Variants in TAFA4 observed in about 807,000 individuals in gnomAD.
TAFA4 encodes the protein chemokine-like protein TAFA-4.
Under a neutral mutation model 21.1 loss-of-function variants are expected in TAFA4, and 20 were observed. That is an observed-to-expected ratio of 0.95 (90% CI 0.67 to 1.38). The LOEUF is 1.38. Ranked by LOEUF, TAFA4 falls within the 40% of genes most tolerant of loss-of-function variation. TAFA4 has a pLI of 0.00. For missense variants in TAFA4, 211 were observed against 180.9 expected, an observed-to-expected ratio of 1.17 and a Z score of -0.95; for synonymous variants, 71 against 67.4, an observed-to-expected ratio of 1.05 and a Z score of -0.26.
At chr3:68,826,181 G>A (rs1349328452) in intron 3 of TAFA4, among the ~76,000 whole-genome samples, 1 of 152,174 alleles carries the variant, frequency 6.6e-6, no homozygotes, top group Non-Finnish European at 1.5e-5. Context: ...ACCTGCAGTC[G>A]GAAGGCCCAG....
chr3:68,756,339 T>G (rs1351122431), intron 3 of TAFA4, among the ~76,000 whole-genome samples: 1 of 152,234 alleles, frequency 6.6e-6, no homozygotes, highest in Non-Finnish European at 1.5e-5. Context: ...AGTGTGTTCA[T>G]GATTTTCAGA....
intron 3 of TAFA4, among the ~76,000 whole-genome samples, chr3:68,849,736 A>T (rs910927086): frequency 6.6e-6 from 1 of 152,192 alleles, no homozygotes; most frequent in Non-Finnish European, 1.5e-5. Context: ...CATAGCAATG[A>T]AACACTGAAC....
At chr3:68,743,649 T>TTCATGGAGCTGTGTCA (rs1702400312) in intron 4 of TAFA4, among the ~76,000 whole-genome samples, 1 of 152,006 alleles carries the variant, frequency 6.6e-6, no homozygotes. Context: ...CCCTTGCAGC[T>TTCATGGAGCTGTGTCA]TCATGGAGCT....
intron 5 of TAFA4, among the ~76,000 whole-genome samples, 153 bp downstream of exon 5, chr3:68,738,922 C>T (rs538365486): frequency 1.4e-4 from 22 of 152,296 alleles, no homozygotes; most frequent in Admixed American, 1.3e-3. Flanking sequence ...CCGGGAAATG[C>T]GCTTTTCAAA....
At chr3:68,896,272 G>A (rs2089788424) in intron 1 of TAFA4, among the ~76,000 whole-genome samples, 2 of 152,198 alleles carry the variant, frequency 1.3e-5, no homozygotes, top group African/African-American at 4.8e-5. Context: ...ACAGGAGATG[G>A]TTTAGGTTTT....
chr3:68,919,538 G>A (rs1575673751), intron 1 of TAFA4, among the ~76,000 whole-genome samples: 2 of 152,054 alleles, frequency 1.3e-5, no homozygotes, highest in Non-Finnish European at 2.9e-5. Context: ...GTCCGATCGG[G>A]CAGCCACTAC....
chr3:68,893,832 C>T (rs2089757302), intron 1 of TAFA4, among the ~76,000 whole-genome samples: 1 of 152,104 alleles, frequency 6.6e-6, no homozygotes, highest in Non-Finnish European at 1.5e-5. Context: ...ACAATGGTGC[C>T]CTCCTGTGGA....
chr3:68,885,873 T>G (rs1408132961), intron 1 of TAFA4, among the ~76,000 whole-genome samples: 1 of 152,184 alleles, frequency 6.6e-6, no homozygotes, highest in Non-Finnish European at 1.5e-5. Context: ...AGAACACTTG[T>G]GAATACTGTA....
At chr3:68,887,598 G>A (rs148081441) in intron 1 of TAFA4, among the ~76,000 whole-genome samples, 2 of 152,238 alleles carry the variant, frequency 1.3e-5, no homozygotes, top group Non-Finnish European at 2.9e-5. Flanking sequence ...TGGCCCCAAG[G>A]CTCATGCACT....
At chr3:68,846,157 A>G (rs915934290) in intron 3 of TAFA4, among the ~76,000 whole-genome samples, 3 of 151,980 alleles carry the variant, frequency 2.0e-5, no homozygotes, top group African/African-American at 7.3e-5. Flanking sequence ...ACACCAATCA[A>G]ACGTAGATTT....
At chr3:68,878,159 C>T in intron 3 of TAFA4, among the ~76,000 whole-genome samples, 1 of 152,142 alleles carries the variant, frequency 6.6e-6, no homozygotes, top group East Asian at 1.9e-4. Context: ...TCACCAAGCA[C>T]CACAGCATTT....
At chr3:68,859,370 C>T (rs1357857867) in intron 3 of TAFA4, among the ~76,000 whole-genome samples, 1 of 152,124 alleles carries the variant, frequency 6.6e-6, no homozygotes, top group Non-Finnish European at 1.5e-5. Context: ...AGACACTTAA[C>T]CTGTTTCTTA....
intron 3 of TAFA4, among the ~76,000 whole-genome samples, chr3:68,798,839 A>C (rs150454195): frequency 2.2e-3 from 339 of 152,332 alleles, no homozygotes; most frequent in African/African-American, 7.3e-3. Context: ...AACTAGTAAA[A>C]TTGAGTCATA....
intron 3 of TAFA4, among the ~76,000 whole-genome samples, chr3:68,780,965 A>G (rs1703143239): frequency 6.6e-6 from 1 of 152,132 alleles, no homozygotes; most frequent in African/African-American, 2.4e-5. Flanking sequence ...CAAAGGATTT[A>G]CACTAAAAGT....
intron 1 of TAFA4, among the ~76,000 whole-genome samples, chr3:68,920,248 G>C (rs761860593): frequency 6.6e-6 from 1 of 152,066 alleles, no homozygotes; most frequent in Non-Finnish European, 1.5e-5. Flanking sequence ...ACAAACTATA[G>C]AATCAGATGT....
intron 4 of TAFA4, among the ~76,000 whole-genome samples, chr3:68,743,822 T>C (rs1407164775): frequency 1.3e-5 from 2 of 152,150 alleles, no homozygotes; most frequent in Non-Finnish European, 2.9e-5. Context: ...GATTTTCTTC[T>C]TCTCTATCCA....
chr3:68,769,738 T>C (rs1344734319), intron 3 of TAFA4, among the ~76,000 whole-genome samples: 3 of 152,110 alleles, frequency 2.0e-5, no homozygotes, highest in Admixed American at 1.3e-4. Flanking sequence ...CAAAAACAAA[T>C]GCAGAAATCC....
rs1040657036 is a variant in TAFA4, at chr3:68,732,105, A to G, written c.*1037T>C. On this transcript the variant is annotated 3_prime_UTR_variant, in exon 6 of 6. Transcript: ENST00000295569. ...ATACGTTTCCGCATGACAGCATTTGAGAATATGTGGAGACATGTCTGCTGC... is the reference window on the plus strand; with the variant it reads ...ATACGTTTCCGCATGACAGCATTTGGGAATATGTGGAGACATGTCTGCTGC... The G allele has an allele frequency of 1.3e-5, 2 of 152,606 alleles. No individual in the cohort carries two copies. Among genetic ancestry groups the G allele is most frequent in the Non-Finnish European group, 2.9e-5 (2 of 68,034 alleles). The allele number at this position is 152,606 out of a possible 1,614,324, so 9.5% of individuals were successfully genotyped here.
At chr3:68,844,805 A>G (rs1704746630) in intron 3 of TAFA4, among the ~76,000 whole-genome samples, 1 of 152,200 alleles carries the variant, frequency 6.6e-6, no homozygotes, top group Admixed American at 6.5e-5. Flanking sequence ...CAGGCTGTTC[A>G]GTTTCCATGC....
Sources: gnomAD v4.1 joint callset for allele counts (sites outside exome capture counted in the v4.1 genomes callset) on GRCh38, gnomAD v4.1.1 for gene constraint, MANE v1.5 for transcripts, NCBI Gene and HGNC (gene_info 2026-07-23, HGNC 2026-07-21) for gene names.